MRC1: variants seen among roughly 807,000 people sequenced by gnomAD.
The protein encoded by MRC1 is macrophage mannose receptor 1.
MRC1 carries 62 observed loss-of-function variants against 102.9 expected under a neutral mutation model. The observed-to-expected ratio is 0.60, with a 90% CI of 0.49 to 0.74. The LOEUF is 0.74. MRC1 is among the 30% of genes least tolerant of loss of function. The pLI, the probability that MRC1 is intolerant of heterozygous loss-of-function variation, is 0.00. For synonymous variants in MRC1, 457 were observed against 298.4 expected (o/e 1.53, Z -5.48); for missense variants, 1,237 against 862.8 (o/e 1.43, Z -5.43).
At chr10:17,870,210 A>C in intron 12 of MRC1, 36 bp from the exon 13 acceptor site, 1 of 765,072 alleles carries the variant, frequency 1.3e-6, no homozygotes, top group Non-Finnish European at 2.4e-6. Flanking sequence ...TAAACTACAA[A>C]GCATAAAATA....
chr10:17,823,928 G>A (rs1431878270), intron 2 of MRC1, among the ~76,000 whole-genome samples: 6 of 152,214 alleles, frequency 3.9e-5, no homozygotes, highest in Non-Finnish European at 5.9e-5. Flanking sequence ...ATGAAATCTC[G>A]GCAGATCCCT....
At chr10:17,865,897 T>C (rs2130667861) in intron 11 of MRC1, among the ~76,000 whole-genome samples, 1 of 152,338 alleles carries the variant, frequency 6.6e-6, no homozygotes, top group East Asian at 1.9e-4. Flanking sequence ...AAAAAATTAC[T>C]TCATTGTAGC....
intron 2 of MRC1, among the ~76,000 whole-genome samples, chr10:17,825,893 A>G (rs900344472): frequency 2.9e-4 from 44 of 152,314 alleles, no homozygotes; most frequent in African/African-American, 1.1e-3. Flanking sequence ...AGAATGGCGC[A>G]ATTATTTCTG....
At chr10:17,858,134 C>T (rs1221254611) in intron 9 of MRC1, among the ~76,000 whole-genome samples, 1 of 152,114 alleles carries the variant, frequency 6.6e-6, no homozygotes, top group Non-Finnish European at 1.5e-5. Flanking sequence ...CATCAGCCAC[C>T]AAATTGTCTG....
At position 17,860,726 on chromosome 10, in the gene MRC1, C is replaced by T. The variant is rs1416441389; in HGVS notation, c.1519-661C>T. Among the ~76,000 whole-genome samples, 3 of 152,274 alleles carry T rather than the reference C, an allele frequency of 2.0e-5. No homozygotes were observed. In the South Asian group the frequency reaches 6.2e-4, roughly 32 times the overall value. On this transcript the variant is annotated intron_variant, in intron 9 of 29. Transcript: ENST00000569591. ...CCATAGGCAACTAGGTTTGCTCTTC[C>T]CCAAATTCTTTCCTGTGGTTACCTA...
At position 17,823,431 on chromosome 10, in the gene MRC1, A is replaced by G. The variant is rs1346539411; in HGVS notation, c.419A>G (p.Lys140Arg). The change falls in exon 2 of 30, where the codon AAG becomes AGG. Residue 140 changes from lysine to arginine, a missense_variant. Lys to Arg is a conservative substitution (Grantham distance 26). Coordinates refer to ENST00000569591, the MANE Select transcript of MRC1 (RefSeq NM_002438.4). The part of the protein sequence containing the change: ...YKGSGLWSRW[K>R]IYGTTDNLCS... Reference sequence around the variant, plus strand: ...GGATCGGGTTTATGGAGCAGGTGGAAGATCTATGGAACCACAGACAATCTG... The same window carrying G: ...GGATCGGGTTTATGGAGCAGGTGGAGGATCTATGGAACCACAGACAATCTG... 2.6e-6 allele frequency: 2 copies of G among 780,772 alleles called. No homozygotes were observed. The highest frequency in any genetic ancestry group is 3.4e-5 in the African/African-American group (2 of 59,130). 48.4% of individuals were successfully genotyped at this position (780,772 alleles called of 1,614,324 possible). A position where few individuals can be genotyped will look rare whatever the true frequency, so the allele number is the denominator to read the frequency against.
At chr10:17,900,712 T>C in intron 24 of MRC1, 76 bp from the exon 25 acceptor site, 1 of 779,880 alleles carries the variant, frequency 1.3e-6, no homozygotes, top group Non-Finnish European at 2.4e-6. Flanking sequence ...ATATACTTTG[T>C]ATTCTTGAAT....
At chr10:17,838,489 G>C (rs1327771637) in intron 4 of MRC1, among the ~76,000 whole-genome samples, 1 of 151,746 alleles carries the variant, frequency 6.6e-6, no homozygotes, top group Non-Finnish European at 1.5e-5. Context: ...GTGAAATTTG[G>C]CTTGTTTCCC....
chr10:17,858,718 C>T (rs1833135051), intron 9 of MRC1, among the ~76,000 whole-genome samples: 2 of 152,210 alleles, frequency 1.3e-5, no homozygotes, highest in African/African-American at 4.8e-5. Flanking sequence ...GAACTCCTGA[C>T]CTCATGATCC....
chr10:17,885,766 AT>A (rs1351293067), intron 22 of MRC1, among the ~76,000 whole-genome samples: 7 of 151,592 alleles, frequency 4.6e-5, no homozygotes, highest in African/African-American at 1.7e-4. Flanking sequence ...CTGTTTTAGT[AT>A]TTGGGGTGTA....
intron 1 of MRC1, among the ~76,000 whole-genome samples, chr10:17,816,976 G>A (rs922305056): frequency 6.6e-6 from 1 of 152,060 alleles, no homozygotes; most frequent in Non-Finnish European, 1.5e-5. Flanking sequence ...GGCCAGGCGC[G>A]GTGGCTCATG....
At chr10:17,867,755 T>G (rs1373779280) in intron 12 of MRC1, among the ~76,000 whole-genome samples, 2 of 152,214 alleles carry the variant, frequency 1.3e-5, no homozygotes, top group Non-Finnish European at 2.9e-5. Context: ...CTGTTTCCTG[T>G]CACGCTGTTG....
chr10:17,846,631 T>C (rs1838829691), intron 6 of MRC1, among the ~76,000 whole-genome samples: 1 of 152,230 alleles, frequency 6.6e-6, no homozygotes, highest in Non-Finnish European at 1.5e-5. Context: ...TCTGTGACTA[T>C]ATAAACAAAT....
intron 1 of MRC1, among the ~76,000 whole-genome samples, chr10:17,816,759 A>G (rs922450925): frequency 6.6e-6 from 1 of 152,124 alleles, no homozygotes; most frequent in Admixed American, 6.6e-5. Flanking sequence ...TGTCTTCCAG[A>G]AGTTATTGTC....
chr10:17,818,415 C>G (rs1184465890), intron 1 of MRC1, among the ~76,000 whole-genome samples: 1 of 152,162 alleles, frequency 6.6e-6, no homozygotes, highest in African/African-American at 2.4e-5. Flanking sequence ...ATGGACAGAA[C>G]ATTAGTAAAC....
At position 17,910,377 on chromosome 10, in the gene MRC1, T is replaced by C; in HGVS notation, c.4283T>C (p.Leu1428Pro). Residue 1428 changes from leucine to proline, a missense_variant, in exon 30 of 30, where the codon CTG (leucine) becomes CCG (proline). By Grantham distance (98) the Leu-to-Pro change is moderately conservative. Transcript: ENST00000569591. ...CAAGAGGGCGCCTTTGAAAACACTC[T>C]GTATTTTAACAGTCAGTCAAGCCCA... ...LPQEGAFENT[L>P]YFNSQSSPGT... 1.3e-6 allele frequency: 1 copy of C among 780,842 alleles called. No homozygotes were observed. Among genetic ancestry groups the C allele is most frequent in the South Asian group, 1.3e-5 (1 of 74,614 alleles). 48.4% of individuals were successfully genotyped at this position (780,842 alleles called of 1,614,324 possible). A position where few individuals can be genotyped will look rare whatever the true frequency, so the allele number is the denominator to read the frequency against.
intron 11 of MRC1, among the ~76,000 whole-genome samples, chr10:17,864,740 A>G (rs1275020491): frequency 6.6e-6 from 1 of 150,718 alleles, no homozygotes; most frequent in Non-Finnish European, 1.5e-5. Flanking sequence ...GAGGCAGGAG[A>G]ATTGCTTGAA....
intron 2 of MRC1, among the ~76,000 whole-genome samples, chr10:17,826,237 CTG>C (rs1838473048): frequency 2.0e-5 from 3 of 152,054 alleles, no homozygotes; most frequent in Non-Finnish European, 4.4e-5. Context: ...GAGTCTCACT[CTG>C]TCACCCAGGC....
Position 17,849,751 on chromosome 10 carries a change from C to G in MRC1, c.1236C>G (p.Ser412=). Residue 412 remains serine (S), a synonymous_variant, in exon 7 of 30, where the codon TCC becomes TCG. Coordinates refer to ENST00000569591, the MANE Select transcript of MRC1 (RefSeq NM_002438.4). Reference sequence around the variant, plus strand: ...TCGAGGAATTGGACTTTATTATCTCCCAGCTAGGATATGGTGAGAAACTTG... The same window carrying G: ...TCGAGGAATTGGACTTTATTATCTCGCAGCTAGGATATGGTGAGAAACTTG... ...HTIEELDFII[S]QLGYEPNDEL... is the part of the protein sequence containing the mutation. 1.3e-6 allele frequency: 1 copy of G among 780,704 alleles called. No individual in the cohort carries two copies. Among genetic ancestry groups the G allele is most frequent in the Non-Finnish European group, 2.4e-6 (1 of 417,944 alleles). The allele number at this position is 780,704 out of a possible 1,614,324, so 48.4% of individuals were successfully genotyped here.
Sources: gnomAD v4.1 joint callset for allele counts (sites outside exome capture counted in the v4.1 genomes callset) on GRCh38, gnomAD v4.1.1 for gene constraint, MANE v1.5 for transcripts, NCBI Gene and HGNC (gene_info 2026-07-23, HGNC 2026-07-21) for gene names.